Variants in ENTREP2 observed in about 807,000 individuals in gnomAD.
ENTREP2 encodes the protein protein ENTREP2.
At chr15:29,392,422 T>C in the ENTREP2 span, among the ~76,000 whole-genome samples, 8,287 of 146,678 alleles carry the variant, frequency 0.056, 324 homozygotes, top group African/African-American at 0.064. Flanking sequence ...GTTTTTGGTT[T>C]ATCTGTAAAT....
the ENTREP2 span, among the ~76,000 whole-genome samples, chr15:29,292,952 A>G: frequency 9.0e-3 from 1,371 of 152,374 alleles, 21 homozygotes; most frequent in African/African-American, 0.031. Context: ...ATGGCTTCTC[A>G]ATACTGCTTA....
the ENTREP2 span, among the ~76,000 whole-genome samples, chr15:29,199,494 G>A: frequency 1.3e-5 from 2 of 152,178 alleles, no homozygotes; most frequent in Admixed American, 6.5e-5. Context: ...AGAAAATGAA[G>A]CTGACAGAAC....
At chr15:29,343,859 C>T in the ENTREP2 span, among the ~76,000 whole-genome samples, 1 of 151,998 alleles carries the variant, frequency 6.6e-6, no homozygotes, top group Non-Finnish European at 1.5e-5. Context: ...AAAATAAATG[C>T]TCTATAAATT....
the ENTREP2 span, among the ~76,000 whole-genome samples, chr15:29,270,438 A>T: frequency 6.6e-6 from 1 of 152,230 alleles, no homozygotes; most frequent in Non-Finnish European, 1.5e-5. Flanking sequence ...ACGTGTCAGT[A>T]TTAGGTAAAT....
At chr15:29,139,769 T>C in the ENTREP2 span, among the ~76,000 whole-genome samples, 5 of 152,200 alleles carry the variant, frequency 3.3e-5, no homozygotes, top group Admixed American at 6.5e-5. Context: ...AGGAATCCTT[T>C]GACCTTGACT....
chr15:29,561,493 T>C, the ENTREP2 span, among the ~76,000 whole-genome samples: 2 of 151,942 alleles, frequency 1.3e-5, no homozygotes, highest in African/African-American at 2.4e-5. Flanking sequence ...CGAGACCATC[T>C]TGGCTAACAC....
At chr15:29,469,863 ACT>A in the ENTREP2 span, among the ~76,000 whole-genome samples, 5 of 152,000 alleles carry the variant, frequency 3.3e-5, no homozygotes, top group South Asian at 8.3e-4. Context: ...CCCCCGTAAG[ACT>A]CTGATTAAAG....
At chr15:29,311,505 C>T in the ENTREP2 span, among the ~76,000 whole-genome samples, 1 of 152,204 alleles carries the variant, frequency 6.6e-6, no homozygotes, top group African/African-American at 2.4e-5. Flanking sequence ...GCCTGGCCAA[C>T]ATGGCGAAAC....
chr15:29,654,636 G>A, the ENTREP2 span, among the ~76,000 whole-genome samples: 1 of 152,164 alleles, frequency 6.6e-6, no homozygotes, highest in Non-Finnish European at 1.5e-5. Context: ...ATATCTCTAT[G>A]TAAGGTATCT....
At chr15:29,187,062 T>C in the ENTREP2 span, among the ~76,000 whole-genome samples, 3 of 152,156 alleles carry the variant, frequency 2.0e-5, no homozygotes, top group African/African-American at 7.2e-5. Context: ...CTCAGCTTCT[T>C]AGATGCTACC....
the ENTREP2 span, among the ~76,000 whole-genome samples, chr15:29,212,378 G>C: frequency 2.6e-5 from 4 of 151,910 alleles, no homozygotes; most frequent in East Asian, 7.7e-4. Flanking sequence ...TTGTTTTCTT[G>C]GTTAATCTTG....
the ENTREP2 span, among the ~76,000 whole-genome samples, chr15:29,598,798 G>A: frequency 2.0e-5 from 3 of 152,128 alleles, no homozygotes; most frequent in African/African-American, 7.2e-5. Flanking sequence ...TCAGGTTCAC[G>A]CTGTTCTCCT....
the ENTREP2 span, among the ~76,000 whole-genome samples, chr15:29,410,867 C>A: frequency 6.6e-6 from 1 of 152,178 alleles, no homozygotes; most frequent in African/African-American, 2.4e-5. Context: ...CTCACTGCAA[C>A]CTCCGCCTCC....
chr15:29,246,795 T>C, the ENTREP2 span, among the ~76,000 whole-genome samples: 1 of 152,090 alleles, frequency 6.6e-6, no homozygotes, highest in African/African-American at 2.4e-5. Context: ...ATATGAATTA[T>C]CACACATCCA....
the ENTREP2 span, among the ~76,000 whole-genome samples, chr15:29,547,495 T>C: frequency 0.43 from 65,186 of 151,810 alleles, 14,653 homozygotes; most frequent in African/African-American, 0.58. Context: ...ACATCATTCA[T>C]CATTAGGGAA....
At chr15:29,258,473 A>G in the ENTREP2 span, among the ~76,000 whole-genome samples, 2 of 147,512 alleles carry the variant, frequency 1.4e-5, no homozygotes, top group African/African-American at 5.0e-5. Flanking sequence ...GTAAGAGACA[A>G]TAAGATCTTT....
the ENTREP2 span, among the ~76,000 whole-genome samples, chr15:29,567,341 T>C: frequency 1.6e-4 from 24 of 152,300 alleles, no homozygotes; most frequent in African/African-American, 5.5e-4. Context: ...TATCTTCACC[T>C]TTCCAGGCAT....
chr15:29,193,157 G>A, the ENTREP2 span, among the ~76,000 whole-genome samples: 1 of 152,138 alleles, frequency 6.6e-6, no homozygotes, highest in Admixed American at 6.6e-5. Context: ...AATGTGTGCT[G>A]ATTTATTTTA....
the ENTREP2 span, among the ~76,000 whole-genome samples, chr15:29,139,638 G>C: frequency 6.6e-6 from 1 of 152,200 alleles, no homozygotes; most frequent in Non-Finnish European, 1.5e-5. Context: ...CTCTCCGCAG[G>C]TGCAAGTGAG....
Sources: gnomAD v4.1 joint callset for allele counts (sites outside exome capture counted in the v4.1 genomes callset) on GRCh38, gnomAD v4.1.1 for gene constraint, MANE v1.5 for transcripts, NCBI Gene and HGNC (gene_info 2026-07-23, HGNC 2026-07-21) for gene names.